Variants in NUDC observed in about 807,000 individuals in gnomAD.
NUDC encodes the protein nuclear migration protein nudC.
NUDC carries 14 observed loss-of-function variants against 45.0 expected under a neutral mutation model. The observed-to-expected ratio is 0.31, with a 90% CI of 0.21 to 0.49. The LOEUF (loss-of-function observed/expected upper bound fraction) is 0.49. Among genes scored for constraint, NUDC ranks in the 20% least tolerant of loss-of-function variants. The probability of loss-of-function intolerance (pLI) is 0.99; values close to 1 mark genes in which losing one functional copy is unlikely to be tolerated. For missense variants in NUDC, 323 were observed against 426.2 expected (o/e 0.76, Z 2.13); for synonymous variants, 153 against 156.7 (o/e 0.98, Z 0.17).
intron 1 of NUDC, among the ~76,000 whole-genome samples, chr1:26,922,807 T>C (rs2082102097): frequency 6.6e-6 from 1 of 152,200 alleles, no homozygotes; most frequent in Non-Finnish European, 1.5e-5. Flanking sequence ...CTATGTAACC[T>C]AGGTGTCTGG....
chr1:26,906,004 G>A (rs530040347), intron 2 of NUDC, among the ~76,000 whole-genome samples: 1 of 152,128 alleles, frequency 6.6e-6, no homozygotes, highest in East Asian at 1.9e-4. Context: ...ATAAAAGGCC[G>A]AGCGCAGTGG....
intron 2 of NUDC, among the ~76,000 whole-genome samples, chr1:26,903,885 C>A (rs2124047173): frequency 1.3e-5 from 2 of 151,318 alleles, no homozygotes; most frequent in South Asian, 4.2e-4. Context: ...GTGGCGGGCA[C>A]CTGTAGTCCC....
At chr1:26,900,446 G>A (rs1191363926) in intron 1 of NUDC, 1 of 1,607,352 alleles carries the variant, frequency 6.2e-7, no homozygotes, top group East Asian at 2.2e-5. Flanking sequence ...CCGCCATCTT[G>A]GATTGTCACA....
At chr1:26,924,229 G>A in intron 2 of NUDC, 63 bp downstream of exon 2, 1 of 1,407,518 alleles carries the variant, frequency 7.1e-7, no homozygotes, top group South Asian at 1.2e-5. Context: ...AGCTCACCTG[G>A]CCTTTCTTTG....
intron 2 of NUDC, among the ~76,000 whole-genome samples, chr1:26,910,190 A>G (rs758857894): frequency 6.6e-6 from 1 of 152,118 alleles, no homozygotes; most frequent in Non-Finnish European, 1.5e-5. Context: ...GGGGGTCTGC[A>G]GTACATTGCT....
intron 2 of NUDC, among the ~76,000 whole-genome samples, chr1:26,905,244 T>A (rs1384634799): frequency 7.1e-6 from 1 of 140,538 alleles, no homozygotes; most frequent in African/African-American, 2.6e-5. Flanking sequence ...CACTGCAACC[T>A]CCGCCTCCTG....
chr1:26,925,262 C>T (rs1433732479), intron 2 of NUDC, among the ~76,000 whole-genome samples: 3 of 147,262 alleles, frequency 2.0e-5, no homozygotes, highest in Non-Finnish European at 3.0e-5. Context: ...TTTAGAAGGC[C>T]GGGCGCGGTG....
chr1:26,917,990 A>G (rs758921959), upstream of NUDC, among the ~76,000 whole-genome samples: 1 of 152,040 alleles, frequency 6.6e-6, no homozygotes, highest in African/African-American at 2.4e-5. Flanking sequence ...ACACACACAC[A>G]CACACACACA....
At chr1:26,909,874 G>A (rs755872762) in intron 2 of NUDC, among the ~76,000 whole-genome samples, 2 of 151,988 alleles carry the variant, frequency 1.3e-5, no homozygotes, top group Non-Finnish European at 2.9e-5. Context: ...CCTTTATTGG[G>A]GATTTGATTA....
intron 2 of NUDC, among the ~76,000 whole-genome samples, chr1:26,930,795 TC>T (rs943275358): frequency 2.0e-5 from 3 of 151,288 alleles, no homozygotes; most frequent in African/African-American, 7.3e-5. Context: ...GGTGGGCAGA[TC>T]ACCTGAGGTC....
chr1:26,934,896 A>G (rs1020688182), intron 2 of NUDC, among the ~76,000 whole-genome samples: 11 of 151,930 alleles, frequency 7.2e-5, no homozygotes, highest in African/African-American at 2.4e-4. Context: ...TGGCCTCGTG[A>G]TCCACTTGCC....
At chr1:26,905,971 AC>A (rs1430573412) in intron 2 of NUDC, among the ~76,000 whole-genome samples, 1 of 151,904 alleles carries the variant, frequency 6.6e-6, no homozygotes, top group Non-Finnish European at 1.5e-5. Flanking sequence ...ACATGGTGAA[AC>A]CCCGCCTTTA....
intron 2 of NUDC, among the ~76,000 whole-genome samples, chr1:26,934,450 C>T (rs550922422): frequency 1.3e-5 from 2 of 152,208 alleles, no homozygotes; most frequent in South Asian, 2.1e-4. Flanking sequence ...CAGAGCCAAA[C>T]GGTATCATTC....
intron 2 of NUDC, among the ~76,000 whole-genome samples, chr1:26,935,981 GT>G (rs575764550): frequency 1.4e-5 from 2 of 143,510 alleles, no homozygotes; most frequent in Non-Finnish European, 3.1e-5. Flanking sequence ...AAAATGTTTT[GT>G]TTTTTTTTGA....
intron 2 of NUDC, among the ~76,000 whole-genome samples, chr1:26,936,189 T>A (rs1416255985): frequency 1.4e-4 from 8 of 59,148 alleles, no homozygotes; most frequent in African/African-American, 2.6e-4. Context: ...TTTTTTTTTT[T>A]TTTTTTTTTT....
chr1:26,938,926 G>A (rs1044148432), intron 2 of NUDC, among the ~76,000 whole-genome samples: 1 of 152,192 alleles, frequency 6.6e-6, no homozygotes, highest in Non-Finnish European at 1.5e-5. Flanking sequence ...GACTGGTCAT[G>A]GAGGATGAAT....
At chr1:26,945,527 T>C (rs2082311201) in intron 7 of NUDC, 41 bp from the exon 8 acceptor site, 2 of 1,611,780 alleles carry the variant, frequency 1.2e-6, no homozygotes, top group Non-Finnish European at 8.5e-7. Flanking sequence ...GGCCTCGTTG[T>C]TTCCAGAGCT....
intron 2 of NUDC, among the ~76,000 whole-genome samples, chr1:26,925,197 A>G (rs2082121130): frequency 6.6e-6 from 1 of 151,490 alleles, no homozygotes; most frequent in Non-Finnish European, 1.5e-5. Flanking sequence ...GGTTTTAACT[A>G]ATAACCTAGG....
chr1:26,906,056 C>A (rs1442980440), intron 2 of NUDC, among the ~76,000 whole-genome samples: 1 of 151,980 alleles, frequency 6.6e-6, no homozygotes, highest in Non-Finnish European at 1.5e-5. Context: ...GCGAGGCGGG[C>A]GGATCACCTG....
Sources: allele counts gnomAD v4.1 joint callset (sites outside exome capture counted in the v4.1 genomes callset), GRCh38; gene constraint gnomAD v4.1.1; transcripts MANE v1.5; gene names NCBI Gene and HGNC (gene_info 2026-07-23, HGNC 2026-07-21).